Variants in TBC1D9B observed in about 807,000 individuals in gnomAD.
TBC1D9B encodes TBC1 domain family, member 9B (with GRAM domain).
A neutral mutation model predicts 121.1 loss-of-function variants in TBC1D9B; 87 were observed. The ratio of observed to expected loss-of-function variants is 0.72; its 90% CI spans 0.60 to 0.86. The LOEUF (loss-of-function observed/expected upper bound fraction) is 0.86, where lower values mean the gene tolerates loss of function less well. Ranked by LOEUF, TBC1D9B falls within the 40% of genes least tolerant of loss-of-function variation. The probability of loss-of-function intolerance (pLI) is 0.00; values close to 1 mark genes in which losing one functional copy is unlikely to be tolerated. For missense variants in TBC1D9B, 1,540 were observed against 1,628.6 expected (o/e 0.95, Z 0.94); for synonymous variants, 668 against 670.1 (o/e 1.00, Z 0.05).
intron 2 of TBC1D9B, among the ~76,000 whole-genome samples, chr5:179,900,213 A>G (rs1469237603): frequency 1.3e-5 from 2 of 152,140 alleles, no homozygotes; most frequent in Admixed American, 6.5e-5. Context: ...AAAACAACAC[A>G]CAAAACAAAA....
intron 6 of TBC1D9B, among the ~76,000 whole-genome samples, chr5:179,889,219 C>CG (rs1161203108): frequency 6.6e-6 from 1 of 151,894 alleles, no homozygotes; most frequent in Non-Finnish European, 1.5e-5. Flanking sequence ...TTAGTAGAGA[C>CG]GGGTTTCACC....
rs192292831 is a variant in TBC1D9B, at chr5:179,904,093, G to A, written c.229+609C>T. Among the ~76,000 whole-genome samples, 24 of 152,266 alleles carry A rather than the reference G, an allele frequency of 1.6e-4. No homozygotes were observed. Among genetic ancestry groups the A allele is most frequent in the African/African-American group, 5.1e-4 (21 of 41,548 alleles). On this transcript the variant is annotated intron_variant, in intron 2 of 20. Coordinates refer to ENST00000355235, the MANE Select transcript of TBC1D9B (RefSeq NM_015043.4). The surrounding 1 kb of genome is among the most constrained non-coding windows in gnomAD (Gnocchi z 4.2). ...GGAATCTTTGAATGAGGCCGACTACGTCTACCTTGAGAAAAGGTGGCATGA... is the reference window on the plus strand; with the variant it reads ...GGAATCTTTGAATGAGGCCGACTACATCTACCTTGAGAAAAGGTGGCATGA...
At chr5:179,893,827 C>T (rs1281048723) in intron 4 of TBC1D9B, among the ~76,000 whole-genome samples, 1 of 152,128 alleles carries the variant, frequency 6.6e-6, no homozygotes. Flanking sequence ...CAGGACACAG[C>T]CCCTGCTGAC....
Position 179,891,585 on chromosome 5 carries a change from C to T in TBC1D9B, c.838G>A (p.Asp280Asn). Residue 280 changes from aspartate (D) to asparagine (N), a missense_variant and splice_region_variant, in exon 6 of 21, where the codon GAC becomes AAC. Coordinates refer to ENST00000355235, the MANE Select transcript of TBC1D9B (RefSeq NM_015043.4). This position sits in a 1 kb window ranked among gnomAD's most constrained non-coding sequence, Gnocchi z 4.3. Reference sequence around the variant, plus strand: ...TCATTCTTGGCTCGGGCGTCCAGGTCTCTGGGGAAACAAGGTAGGAGGACA... The same window carrying T: ...TCATTCTTGGCTCGGGCGTCCAGGTTTCTGGGGAAACAAGGTAGGAGGACA... The part of the protein sequence containing the change: ...PHRNISALKR[D>N]LDARAKNECY... The T allele has an allele frequency of 6.2e-7, 1 of 1,612,284 alleles. No individual in the cohort carries two copies. The highest frequency in any genetic ancestry group is 1.9e-4 in the Middle Eastern group (1 of 5,284).
chr5:179,899,109 G>A lies in TBC1D9B; in HGVS notation c.348+80C>T, dbSNP rs897468934. The A allele has an allele frequency of 2.1e-5, 25 of 1,206,198 alleles. 1 individual carries two copies. The African/African-American group carries it at 2.3e-4, about 11-fold the overall frequency. 74.7% of individuals were successfully genotyped at this position (1,206,198 alleles called of 1,614,324 possible). Reference sequence around the variant, plus strand: ...GTAAAATGGGGACGCACCCTACATCGTGAAGATGAAATAGGATAATACACG... The same window carrying A: ...GTAAAATGGGGACGCACCCTACATCATGAAGATGAAATAGGATAATACACG... On this transcript the variant is annotated intron_variant, in intron 3 of 20. Transcript: ENST00000355235.
Position 179,873,245 on chromosome 5 carries a change from G to C in TBC1D9B, c.2190C>G (p.Tyr730Ter), listed in dbSNP as rs1288621808. ...TCTGCTTGTTGACCACATTATCCAG[G>C]TATCTGCAAAGGACAGAGGACAACA... is the stretch of plus-strand genomic sequence containing the variant. ...EGEAMTMLGR[Y>*]LDNVVNKQSV... Residue 730 changes from tyrosine to a stop codon, truncating the protein, a stop_gained, in exon 13 of 21, where the codon TAC becomes TAG. Transcript: ENST00000355235. LOFTEE classifies it high-confidence loss of function. 3.1e-6 allele frequency: 5 copies of C among 1,605,122 alleles called. No homozygotes were observed. The highest frequency in any genetic ancestry group is 4.3e-6 in the Non-Finnish European group (5 of 1,175,752).
chr5:179,863,237 C>T lies in TBC1D9B; in HGVS notation c.*211G>A. On this transcript the variant is annotated 3_prime_UTR_variant, in exon 21 of 21. Coordinates refer to ENST00000355235, the MANE Select transcript of TBC1D9B (RefSeq NM_015043.4). This position sits in a 1 kb window ranked among gnomAD's most constrained non-coding sequence, Gnocchi z 4.5. Reference sequence around the variant, plus strand: ...GGGAGCCACAGCCTCTTCCTGGGCCCAGAAGCAGCCGGCGCCAGGAGATGC... The same window carrying T: ...GGGAGCCACAGCCTCTTCCTGGGCCTAGAAGCAGCCGGCGCCAGGAGATGC... 1.7e-6 allele frequency: 1 copy of T among 598,342 alleles called. No homozygotes were observed. Among genetic ancestry groups the T allele is most frequent in the East Asian group, 2.9e-5 (1 of 34,132 alleles). 37.1% of individuals were successfully genotyped at this position (598,342 alleles called of 1,614,324 possible).
intron 7 of TBC1D9B, among the ~76,000 whole-genome samples, chr5:179,881,337 T>C (rs1760536508): frequency 6.6e-6 from 1 of 152,176 alleles, no homozygotes; most frequent in Admixed American, 6.5e-5. Context: ...ACCACACTTC[T>C]TCCTGTTTAA....
rs1760697549 is a variant in TBC1D9B, at chr5:179,886,793, CAAATGTTTTTGCA to C, written c.1254+1297_1254+1309del. ...TTTGCATATGGACTCTTCTAATGGC[CAAATGTTTTTGCA>C]AATTCAGACTCAACGACAGCAGCAG... On this transcript the variant is annotated intron_variant, in intron 7 of 20. Transcript: ENST00000355235. 2.0e-5 allele frequency among the ~76,000 whole-genome samples: 3 copies of C among 152,156 alleles called. No individual in the cohort carries two copies. The South Asian group carries it at 6.2e-4, about 32-fold the overall frequency.
In TBC1D9B at chr5:179,907,521, G is replaced by A. The variant is rs1303370575; in HGVS notation, c.118+183C>T. 6.7e-6 allele frequency among the ~76,000 whole-genome samples: 1 copy of A among 148,378 alleles called. No homozygotes were observed. The highest frequency in any genetic ancestry group is 1.5e-5 in the Non-Finnish European group (1 of 66,894). On this transcript the variant is annotated intron_variant, in intron 1 of 20. Coordinates refer to ENST00000355235, the MANE Select transcript of TBC1D9B (RefSeq NM_015043.4). The surrounding 1 kb of genome is among the most constrained non-coding windows in gnomAD (Gnocchi z 5.3). ...CGCCAGCCCCTCGCCTCCCCGCCCC[G>A]GCCCCTCCGCGCCCGGCTCCCGGGT...
At chr5:179,896,365 C>T (rs74399127) in intron 3 of TBC1D9B, among the ~76,000 whole-genome samples, 1,854 of 152,350 alleles carry the variant, frequency 0.012, 17 homozygotes, top group Middle Eastern at 0.031. Context: ...GCTACCGCAG[C>T]TGCGATCTAA....
chr5:179,873,261 G>A lies in TBC1D9B; in HGVS notation c.2187-13C>T, dbSNP rs1760257752. 3.1e-6 allele frequency: 5 copies of A among 1,591,062 alleles called. No homozygotes were observed. The highest frequency in any genetic ancestry group is 4.3e-6 in the Non-Finnish European group (5 of 1,168,646). ...ATTATCCAGGTATCTGCAAAGGACA[G>A]AGGACAACAGTCCAGACCACGCCCA... On this transcript the variant is annotated splice_polypyrimidine_tract_variant and intron_variant, in intron 12 of 20. Coordinates refer to ENST00000355235, the MANE Select transcript of TBC1D9B (RefSeq NM_015043.4).
rs571788828 is a variant in TBC1D9B at position 179,895,116 on chromosome 5, C to T, written c.349-502G>A. On this transcript the variant is annotated intron_variant, in intron 3 of 20. Transcript: ENST00000355235. ...GCTCAAGTGATCCGCCCGCCTCAGC[C>T]TCCCAAAGTGCTGGGATTACAGGTG... is the stretch of plus-strand genomic sequence containing the variant. Among the ~76,000 whole-genome samples, 308 of 152,322 alleles carry T rather than the reference C, an allele frequency of 2.0e-3. 2 individuals are homozygous for T. Among genetic ancestry groups the T allele is most frequent in the African/African-American group, 7.0e-3 (290 of 41,574 alleles).
chr5:179,884,120 C>T (rs192279628), intron 7 of TBC1D9B, among the ~76,000 whole-genome samples: 3 of 152,116 alleles, frequency 2.0e-5, no homozygotes, highest in East Asian at 1.9e-4. Flanking sequence ...CCGTATAATA[C>T]GTCAGGCAGC....
Position 179,862,626 on chromosome 5 carries a change from A to C in TBC1D9B, c.*822T>G, listed in dbSNP as rs1204410967. The C allele has an allele frequency of 6.6e-6, 3 of 455,746 alleles. No homozygotes were observed. The highest frequency in any genetic ancestry group is 1.3e-5 in the Non-Finnish European group (3 of 226,258). 28.2% of individuals were successfully genotyped at this position (455,746 alleles called of 1,614,324 possible). A position where few individuals can be genotyped will look rare whatever the true frequency, so the allele number is the denominator to read the frequency against. On this transcript the variant is annotated 3_prime_UTR_variant, in exon 21 of 21. Transcript: ENST00000355235. ...TGCACTCTTCCACCCACTGTGGAGG[A>C]CTAAGTGTCTTGAACTTCCAGAACA...
chr5:179,896,938 G>A (rs910340315), intron 3 of TBC1D9B, among the ~76,000 whole-genome samples: 3 of 150,792 alleles, frequency 2.0e-5, no homozygotes, highest in Admixed American at 1.3e-4. Context: ...ACGGAGTCTC[G>A]CTCTGTTGCC....
chr5:179,880,562 G>A (rs965601611), intron 7 of TBC1D9B, among the ~76,000 whole-genome samples: 3 of 152,194 alleles, frequency 2.0e-5, no homozygotes, highest in Non-Finnish European at 4.4e-5. Context: ...GGTGCTGGGC[G>A]CCCTCCTAAA....
intron 18 of TBC1D9B, chr5:179,866,181 GAACA>G (rs1760001820): frequency 7.9e-6 from 3 of 378,214 alleles, no homozygotes; most frequent in Non-Finnish European, 1.5e-5. Context: ...GTTTTGACGT[GAACA>G]ATGATGAGGG....
chr5:179,893,798 C>T (rs1760940595), intron 4 of TBC1D9B, among the ~76,000 whole-genome samples: 1 of 152,074 alleles, frequency 6.6e-6, no homozygotes. Flanking sequence ...AGTCACAGCA[C>T]AGCGCGGCCA....
Sources: allele counts gnomAD v4.1 joint callset (sites outside exome capture counted in the v4.1 genomes callset), GRCh38; gene constraint gnomAD v4.1.1; non-coding constraint Gnocchi (gnomAD v3.1); transcripts MANE v1.5; gene names NCBI Gene and HGNC (gene_info 2026-07-23, HGNC 2026-07-21).